The following LRP6 variants were observed in gnomAD, a reference collection of about 807,000 sequenced individuals.
The protein encoded by LRP6 is LDL receptor related protein 6.
In LRP6, 43 loss-of-function variants were observed where a neutral mutation model predicts 184.1. The ratio of observed to expected loss-of-function variants is 0.23; its 90% CI spans 0.18 to 0.30. LRP6 has a LOEUF of 0.30. LRP6 is among the 10% of genes least tolerant of loss of function. The probability of loss-of-function intolerance (pLI) is 1.00; values close to 1 mark genes in which losing one functional copy is unlikely to be tolerated. For missense variants in LRP6, 1,571 were observed against 2,005.3 expected, an observed-to-expected ratio of 0.78 and a Z score of 4.14; for synonymous variants, 719 against 684.9, an observed-to-expected ratio of 1.05 and a Z score of -0.78.
At chr12:12,238,296 G>A (rs1864975999) in intron 2 of LRP6, among the ~76,000 whole-genome samples, 1 of 150,066 alleles carries the variant, frequency 6.7e-6, no homozygotes, top group Non-Finnish European at 1.5e-5. Flanking sequence ...AAGAGGAAAG[G>A]AACAGGGAAT....
intron 2 of LRP6, among the ~76,000 whole-genome samples, chr12:12,240,961 T>C (rs10772542): frequency 0.65 from 98,563 of 152,104 alleles, 31,966 homozygotes; most frequent in East Asian, 0.78. Context: ...CTGAACTGTA[T>C]ACTGCTAGTC....
chr12:12,141,572 T>A (rs1418364094), intron 15 of LRP6, among the ~76,000 whole-genome samples: 2 of 151,374 alleles, frequency 1.3e-5, no homozygotes, highest in African/African-American at 4.9e-5. Flanking sequence ...AGAAATGGAG[T>A]CCAGGAAATA....
chr12:12,236,696 T>G (rs1864940116), intron 2 of LRP6, among the ~76,000 whole-genome samples: 1 of 152,220 alleles, frequency 6.6e-6, no homozygotes, highest in African/African-American at 2.4e-5. Flanking sequence ...GTTCAATCAT[T>G]TGCTAAAGTA....
chr12:12,135,101 T>G, intron 17 of LRP6, 74 bp downstream of exon 17: 1 of 1,602,104 alleles, frequency 6.2e-7, no homozygotes, highest in Non-Finnish European at 8.5e-7. Flanking sequence ...CAATGCCTAG[T>G]CATAGAAGTC....
At chr12:12,227,560 AC>A (rs1864662553) in intron 2 of LRP6, among the ~76,000 whole-genome samples, 1 of 152,018 alleles carries the variant, frequency 6.6e-6, no homozygotes, top group South Asian at 2.1e-4. Context: ...GGCACGCACC[AC>A]CATGCCAGGC....
At chr12:12,246,220 G>A (rs1347994322) in intron 1 of LRP6, among the ~76,000 whole-genome samples, 3 of 151,620 alleles carry the variant, frequency 2.0e-5, no homozygotes, top group African/African-American at 7.3e-5. Flanking sequence ...TGACCAGGCT[G>A]GTCTTGAACT....
intron 1 of LRP6, chr12:12,248,906 CTATA>C (rs1333221149): frequency 2.9e-6 from 1 of 344,362 alleles, no homozygotes; most frequent in East Asian, 6.7e-5. Context: ...CTTCCACTTC[CTATA>C]TATAGGTATC....
rs765912015 is a variant in LRP6, at chr12:12,124,569, A to G, written c.4543T>C (p.Tyr1515His). 2 of 1,601,082 alleles carry G rather than the reference A, an allele frequency of 1.2e-6. No homozygotes were observed. The highest frequency in any genetic ancestry group is 1.1e-5 in the South Asian group (1 of 90,820). The change falls in exon 22 of 23, where the codon TAC (tyrosine) becomes CAC (histidine). Residue 1515 changes from tyrosine to histidine, a missense_variant. Physicochemically the swap from Tyr to His is moderately conservative, Grantham distance 83. Around this residue, in one of 4 missense-constraint regions of LRP6, gnomAD observed 763 missense variants for 859.5 expected, o/e 0.89. Coordinates refer to ENST00000261349, the MANE Select transcript of LRP6 (RefSeq NM_002336.3). ...TTAGAGAAGGATGTGTATTACCTGT[A>G]TGACCTATGAGTGGAAGGACTGTTT... ...SSNSPSTHRS[Y>H]SYRPYSYRHF...
chr12:12,138,221 C>T, intron 16 of LRP6, 104 bp downstream of exon 16: 1 of 1,114,878 alleles, frequency 9.0e-7, no homozygotes, highest in Non-Finnish European at 1.3e-6. Flanking sequence ...ACTAAAAGTG[C>T]ATGAAAGTCT....
chr12:12,201,749 A>G (rs1260308740), intron 3 of LRP6, among the ~76,000 whole-genome samples: 2 of 152,210 alleles, frequency 1.3e-5, no homozygotes, highest in Non-Finnish European at 2.9e-5. Context: ...TCACAGCCAG[A>G]TTTGAGGTCA....
intron 12 of LRP6, among the ~76,000 whole-genome samples, chr12:12,156,706 TACTCATTCA>T (rs1373866101): frequency 2.6e-5 from 4 of 152,224 alleles, no homozygotes; most frequent in African/African-American, 4.8e-5. Context: ...GACCTCCCCT[TACTCATTCA>T]ACAGAGTTCA....
chr12:12,134,225 T>G (rs1479081672), intron 17 of LRP6, among the ~76,000 whole-genome samples: 1 of 152,254 alleles, frequency 6.6e-6, no homozygotes, highest in Non-Finnish European at 1.5e-5. Context: ...ATATATTTTA[T>G]GTACTTGTCA....
chr12:12,211,749 T>TAGTGGACATAA (rs1456842851), intron 2 of LRP6, among the ~76,000 whole-genome samples: 2 of 152,232 alleles, frequency 1.3e-5, no homozygotes, highest in East Asian at 3.8e-4. Context: ...TTTAAAAAGT[T>TAGTGGACATAA]AGTGGACATA....
chr12:12,261,918 G>A (rs1258921298), intron 1 of LRP6, among the ~76,000 whole-genome samples: 1 of 152,118 alleles, frequency 6.6e-6, no homozygotes, highest in East Asian at 1.9e-4. Context: ...AAAAAGTAAC[G>A]AAGAATTTTT....
chr12:12,222,481 C>A (rs1192611634), intron 2 of LRP6, among the ~76,000 whole-genome samples: 2 of 151,192 alleles, frequency 1.3e-5, no homozygotes, highest in Admixed American at 1.3e-4. Context: ...GCAGGAGAAT[C>A]GCTTGAATCC....
chr12:12,192,270 T>C (rs978513889), intron 3 of LRP6, among the ~76,000 whole-genome samples: 5 of 151,688 alleles, frequency 3.3e-5, no homozygotes, highest in Non-Finnish European at 7.4e-5. Flanking sequence ...AATAATTACC[T>C]TTAAAATCCC....
intron 10 of LRP6, among the ~76,000 whole-genome samples, chr12:12,161,431 CTAAT>C (rs1862739285): frequency 6.6e-6 from 1 of 152,054 alleles, no homozygotes; most frequent in Non-Finnish European, 1.5e-5. Context: ...CCATGCCTGG[CTAAT>C]TTTTTTTTAT....
At chr12:12,203,141 T>C (rs1863960562) in intron 3 of LRP6, 62 bp downstream of exon 3, 7 of 1,170,946 alleles carry the variant, frequency 6.0e-6, no homozygotes, top group Admixed American at 2.3e-5. Context: ...AATTAGGCTT[T>C]GTAATGTATC....
chr12:12,123,701 C>G (rs773415198), intron 22 of LRP6, among the ~76,000 whole-genome samples: 1 of 152,206 alleles, frequency 6.6e-6, no homozygotes, highest in African/African-American at 2.4e-5. Context: ...ACCTGCTCAA[C>G]ACACTTTATA....
Sources: gnomAD v4.1 joint callset for allele counts (sites outside exome capture counted in the v4.1 genomes callset) on GRCh38, gnomAD v4.1.1 for gene constraint, gnomAD v4.1.1 regional missense constraint, MANE v1.5 for transcripts, NCBI Gene and HGNC (gene_info 2026-07-23, HGNC 2026-07-21) for gene names.